CDH23: variants seen among roughly 807,000 people sequenced by gnomAD.
CDH23 encodes the protein cadherin related 23.
CDH23 carries 189 observed loss-of-function variants against 317.1 expected under a neutral mutation model. The observed-to-expected ratio is 0.60, with a 90% CI of 0.53 to 0.67. The LOEUF (loss-of-function observed/expected upper bound fraction) is 0.67. Among genes scored for constraint, CDH23 ranks in the 30% least tolerant of loss-of-function variants. The pLI is 0.00. For missense variants in CDH23, 4,401 were observed against 4,592.4 expected, an observed-to-expected ratio of 0.96 and a Z score of 1.20; for synonymous variants, 1,839 against 1,876.8, an observed-to-expected ratio of 0.98 and a Z score of 0.52.
At chr10:71,723,146 A>T (rs901406318) in intron 28 of CDH23, among the ~76,000 whole-genome samples, 1 of 152,226 alleles carries the variant, frequency 6.6e-6, no homozygotes, top group African/African-American at 2.4e-5. Flanking sequence ...AAGAAGTGGG[A>T]GAGCCCAGGG....
intron 14 of CDH23, among the ~76,000 whole-genome samples, chr10:71,672,579 C>T (rs569778457): frequency 2.0e-5 from 3 of 152,344 alleles, no homozygotes; most frequent in African/African-American, 4.8e-5. Context: ...TGATCAGCAT[C>T]CGCAGCCTGG....
At chr10:71,417,815 G>A (rs1239690895) in intron 1 of CDH23, among the ~76,000 whole-genome samples, 1 of 152,156 alleles carries the variant, frequency 6.6e-6, no homozygotes, top group Non-Finnish European at 1.5e-5. Flanking sequence ...TTGTCATGTT[G>A]CCCAGGATGG....
chr10:71,410,816 T>C (rs911131417), intron 1 of CDH23, among the ~76,000 whole-genome samples: 44 of 152,232 alleles, frequency 2.9e-4, no homozygotes, highest in African/African-American at 7.7e-4. Flanking sequence ...AGTTAATGTG[T>C]TTCTCTTCAT....
intron 28 of CDH23, chr10:71,714,166 CT>C (rs1377139284): frequency 6.6e-6 from 1 of 152,104 alleles, no homozygotes; most frequent in Non-Finnish European, 1.5e-5. Context: ...ATCAGATTGA[CT>C]TGGAAGGAAG....
chr10:71,697,326 G>T (rs1182269647), intron 22 of CDH23, among the ~76,000 whole-genome samples: 2 of 152,194 alleles, frequency 1.3e-5, no homozygotes, highest in Non-Finnish European at 2.9e-5. Context: ...AGCTATCAGG[G>T]AATGCCTACT....
At chr10:71,439,932 G>A in intron 2 of CDH23, 34 bp downstream of exon 2, 3 of 1,527,214 alleles carry the variant, frequency 2.0e-6, no homozygotes, top group East Asian at 2.4e-5. Context: ...TATCCCATGG[G>A]CAGCCTCTGC....
At chr10:71,614,359 A>G (rs1490068981) in intron 9 of CDH23, among the ~76,000 whole-genome samples, 2 of 152,234 alleles carry the variant, frequency 1.3e-5, no homozygotes, top group Admixed American at 1.3e-4. Flanking sequence ...GAGTATGTGA[A>G]TGAACCAACA....
rs2290026 is a variant in CDH23, at chr10:71,690,292, C to T, written c.2060-176C>T. ...GCTCCAAGAGCAACGATTGAGCCGC[C>T]CTTGTCCCAGGGATGTCGCAACAGG... On this transcript the variant is annotated intron_variant, in intron 19 of 69. Coordinates refer to ENST00000224721, the MANE Select transcript of CDH23 (RefSeq NM_022124.6). Among the ~76,000 whole-genome samples the T allele has an allele frequency of 0.33, 50,536 of 152,038 alleles. 9,777 individuals carry two copies. The highest frequency in any genetic ancestry group is 0.45 in the Non-Finnish European group (30,566 of 67,912).
In CDH23 at chr10:71,702,696, TGA is replaced by T; in HGVS notation, c.2733+4_2733+5del. 6.2e-7 allele frequency: 1 copy of T among 1,613,548 alleles called. No homozygotes were observed. Among genetic ancestry groups the T allele is most frequent in the Non-Finnish European group, 8.5e-7 (1 of 1,179,844 alleles). On this transcript the variant is annotated splice_donor_region_variant and intron_variant, in intron 24 of 69. Coordinates refer to ENST00000224721, the MANE Select transcript of CDH23 (RefSeq NM_022124.6). ...CCGGCGGGGGTCTCCATCTACCAAG[TGA>T]GTCTCTATCATCTCATTCCTACCAG...
At chr10:71,467,147 A>G (rs1261282148) in intron 3 of CDH23, among the ~76,000 whole-genome samples, 1 of 148,290 alleles carries the variant, frequency 6.7e-6, no homozygotes, top group African/African-American at 2.5e-5. Flanking sequence ...GAGCCCCTTC[A>G]GAGACCCCAG....
chr10:71,773,554 A>G (rs375302193), intron 38 of CDH23: 1 of 1,000,074 alleles, frequency 1.0e-6, no homozygotes, highest in Non-Finnish European at 1.4e-6. Flanking sequence ...GGGCGGCCCC[A>G]GCGCCGTGCT....
rs754099139 is a variant in CDH23 at position 71,812,515 on chromosome 10, A to G, written c.9416A>G (p.Asn3139Ser). ...NPVWLDPFCR[N>S]LELAAQAEHE... Reference sequence around the variant, plus strand: ...GTGTGGCTGGATCCCTTCTGTCGGAACCTGGAGCTGGCCGCCCAGGCGGAG... The same window carrying G: ...GTGTGGCTGGATCCCTTCTGTCGGAGCCTGGAGCTGGCCGCCCAGGCGGAG... The change falls in exon 67 of 70, where the codon AAC becomes AGC. Residue 3139 changes from asparagine (N) to serine (S), a missense_variant. Around this residue, in one of 3 missense-constraint regions of CDH23, gnomAD observed 1,144 missense variants for 1,138.2 expected, o/e 1.01. Coordinates refer to ENST00000224721, the MANE Select transcript of CDH23 (RefSeq NM_022124.6). The G allele has an allele frequency of 2.5e-6, 4 of 1,605,068 alleles. No homozygotes were observed. The highest frequency in any genetic ancestry group is 2.6e-6 in the Non-Finnish European group (3 of 1,175,070).
chr10:71,658,390 C>T (rs1447484828), intron 14 of CDH23, among the ~76,000 whole-genome samples: 1 of 152,160 alleles, frequency 6.6e-6, no homozygotes, highest in Non-Finnish European at 1.5e-5. Context: ...TTGTCCTGGA[C>T]CTTGTGTGAG....
chr10:71,555,870 A>T (rs1289572289), intron 6 of CDH23, among the ~76,000 whole-genome samples: 1 of 152,160 alleles, frequency 6.6e-6, no homozygotes, highest in African/African-American at 2.4e-5. Flanking sequence ...CATGTCCAGC[A>T]TGTGTGCATG....
intron 9 of CDH23, among the ~76,000 whole-genome samples, chr10:71,580,601 C>A (rs1042914365): frequency 2.0e-5 from 3 of 152,200 alleles, no homozygotes; most frequent in Non-Finnish European, 2.9e-5. Flanking sequence ...TTGGCAGAGT[C>A]TGCTATGGAT....
chr10:71,766,954 A>T (rs1296833822), intron 38 of CDH23, among the ~76,000 whole-genome samples: 1 of 152,238 alleles, frequency 6.6e-6, no homozygotes, highest in Non-Finnish European at 1.5e-5. Context: ...GCTCTGCCTC[A>T]GACCCAAGCT....
chr10:71,532,737 T>TTTTTTTTTTTTTTTTG (rs1855471098), intron 6 of CDH23, among the ~76,000 whole-genome samples: 2 of 86,222 alleles, frequency 2.3e-5, no homozygotes, highest in African/African-American at 4.5e-5. Context: ...GTTTTTTTTT[T>TTTTTTTTTTTTTTTTG]TTTTTTTTTT....
At chr10:71,416,886 T>C (rs1848556636) in intron 1 of CDH23, among the ~76,000 whole-genome samples, 6 of 152,026 alleles carry the variant, frequency 3.9e-5, no homozygotes, top group Admixed American at 3.9e-4. Flanking sequence ...ACTAAAGAGG[T>C]CATTCATTTC....
At position 71,577,962 on chromosome 10, in the gene CDH23, C is replaced by A; in HGVS notation, c.802C>A (p.Pro268Thr). 1 of 1,604,664 alleles carries A rather than the reference C, an allele frequency of 6.2e-7. No homozygotes were observed. The highest frequency in any genetic ancestry group is 8.5e-7 in the Non-Finnish European group (1 of 1,175,748). Residue 268 changes from proline to threonine, a missense_variant, in exon 9 of 70, where the codon CCC becomes ACC. Around this residue, in one of 3 missense-constraint regions of CDH23, gnomAD observed 3,068 missense variants for 3,203.3 expected, o/e 0.96. Transcript: ENST00000224721. Reference protein sequence around the residue: ...ITAIDQDKGRPRGIGYTIVSG... With the variant: ...ITAIDQDKGRTRGIGYTIVSG... ...CGCCATAGACCAGGATAAAGGACGT[C>A]CCCGGGGCATTGGCTACACCATCGT... is the stretch of plus-strand genomic sequence containing the variant.
Sources: gnomAD v4.1 joint callset for allele counts (sites outside exome capture counted in the v4.1 genomes callset) on GRCh38, gnomAD v4.1.1 for gene constraint, gnomAD v4.1.1 regional missense constraint, MANE v1.5 for transcripts, NCBI Gene and HGNC (gene_info 2026-07-23, HGNC 2026-07-21) for gene names.